Variants in INSYN2A observed in about 807,000 individuals in gnomAD.
INSYN2A encodes the protein family with sequence similarity 196 member A.
Under a neutral mutation model 39.4 loss-of-function variants are expected in INSYN2A, and 17 were observed. That is an observed-to-expected ratio of 0.43 (90% CI 0.30 to 0.65). The LOEUF (loss-of-function observed/expected upper bound fraction) is 0.65. Among genes scored for constraint, INSYN2A ranks in the 30% least tolerant of loss-of-function variants. The pLI, the probability that INSYN2A is intolerant of heterozygous loss-of-function variation, is 0.14. For missense variants in INSYN2A, 595 were observed against 631.2 expected, an observed-to-expected ratio of 0.94 and a Z score of 0.61; for synonymous variants, 255 against 265.7, an observed-to-expected ratio of 0.96 and a Z score of 0.39.
chr10:127,158,833 A>G (rs762174703), intron 4 of INSYN2A, among the ~76,000 whole-genome samples: 76 of 152,332 alleles, frequency 5.0e-4, no homozygotes, highest in Admixed American at 2.0e-3. Context: ...CAATGCATAT[A>G]GCTTGGAAAA....
chr10:127,167,386 A>G (rs1405656713), intron 4 of INSYN2A, among the ~76,000 whole-genome samples: 3 of 152,182 alleles, frequency 2.0e-5, no homozygotes, highest in East Asian at 1.9e-4. Flanking sequence ...ACAGAGACCA[A>G]CTCTAGCATT....
intron 5 of INSYN2A, among the ~76,000 whole-genome samples, chr10:127,149,586 A>T (rs945002270): frequency 2.0e-5 from 3 of 152,190 alleles, no homozygotes; most frequent in Non-Finnish European, 4.4e-5. Context: ...AACACGGTGG[A>T]TAGCTATGCT....
rs140516988 is a variant in INSYN2A, at chr10:127,175,793, C to T, written c.603G>A (p.Pro201=). 7.6e-5 allele frequency: 123 copies of T among 1,614,076 alleles called. No homozygotes were observed. In the East Asian group the frequency reaches 8.0e-4, roughly 11 times the overall value. The stretch of plus-strand genomic sequence containing the variant: ...GGAGCGCAGCTTCTCCATAGCTGAG[C>T]GGCTCCGGGCTTTTACAGGGCTCTG... ...NCTEPCKSPE[P]LSYGEAALQN... The change falls in exon 4 of 6, where the codon CCG becomes CCA. Residue 201 remains proline, a synonymous_variant. Transcript: ENST00000522781. This position sits in a 1 kb window ranked among gnomAD's most constrained non-coding sequence, Gnocchi z 6.3.
Position 127,175,800 on chromosome 10 carries a change from G to C in INSYN2A, c.596C>G (p.Pro199Arg), listed in dbSNP as rs531727184. Residue 199 changes from proline to arginine, a missense_variant, in exon 4 of 6, where the codon CCG becomes CGG. By Grantham distance (103) the Pro-to-Arg change is moderately radical. Coordinates refer to ENST00000522781, the MANE Select transcript of INSYN2A (RefSeq NM_001039762.3). This position sits in a 1 kb window ranked among gnomAD's most constrained non-coding sequence, Gnocchi z 6.3. ...GVNCTEPCKS[P>R]EPLSYGEAAL... The stretch of plus-strand genomic sequence containing the variant: ...AGCTTCTCCATAGCTGAGCGGCTCC[G>C]GGCTTTTACAGGGCTCTGTGCAGTT... The C allele has an allele frequency of 3.7e-6, 6 of 1,614,092 alleles. No homozygotes were observed. The highest frequency in any genetic ancestry group is 5.1e-6 in the Non-Finnish European group (6 of 1,180,026).
chr10:127,140,058 G>A (rs1316098222), intron 5 of INSYN2A, among the ~76,000 whole-genome samples: 1 of 152,102 alleles, frequency 6.6e-6, no homozygotes, highest in East Asian at 1.9e-4. Context: ...TGGTAATATT[G>A]AAGGTGTGTT....
At chr10:127,194,058 A>G (rs572821169) in intron 1 of INSYN2A, among the ~76,000 whole-genome samples, 2 of 152,390 alleles carry the variant, frequency 1.3e-5, no homozygotes, top group South Asian at 4.1e-4. Flanking sequence ...GTTTAAAGAC[A>G]TATGTAGCTT....
intron 2 of INSYN2A, among the ~76,000 whole-genome samples, chr10:127,185,399 G>A (rs1232735733): frequency 1.3e-5 from 2 of 152,112 alleles, no homozygotes; most frequent in African/African-American, 4.8e-5. Flanking sequence ...GGTGATGCGT[G>A]CCTGTAATCC....
At chr10:127,171,646 T>C (rs1481776192) in intron 4 of INSYN2A, among the ~76,000 whole-genome samples, 1 of 152,136 alleles carries the variant, frequency 6.6e-6, no homozygotes, top group Non-Finnish European at 1.5e-5. Context: ...GCTTCAAGAG[T>C]GTTCTCCAGC....
intron 5 of INSYN2A, among the ~76,000 whole-genome samples, chr10:127,153,207 A>T (rs2052682080): frequency 6.6e-6 from 1 of 152,270 alleles, no homozygotes; most frequent in Non-Finnish European, 1.5e-5. Flanking sequence ...AAAAAAGGAT[A>T]GCCATCCTTC....
At chr10:127,184,313 TC>T (rs112656641) in intron 2 of INSYN2A, among the ~76,000 whole-genome samples, 9 of 148,456 alleles carry the variant, frequency 6.1e-5, no homozygotes, top group East Asian at 2.0e-4. Flanking sequence ...CTCAATTCAT[TC>T]CCCCCCCAGT....
At chr10:127,190,256 C>G (rs937632306) in intron 2 of INSYN2A, among the ~76,000 whole-genome samples, 1 of 152,122 alleles carries the variant, frequency 6.6e-6, no homozygotes, top group Non-Finnish European at 1.5e-5. Flanking sequence ...GTGCTTTTTT[C>G]TTTTCTAAAC....
At chr10:127,181,274 A>G (rs1272997502) in intron 2 of INSYN2A, among the ~76,000 whole-genome samples, 1 of 152,236 alleles carries the variant, frequency 6.6e-6, no homozygotes, top group Non-Finnish European at 1.5e-5. Flanking sequence ...ACGTACTGTA[A>G]GGAAGGAAGT....
chr10:127,137,892 T>A lies in INSYN2A; in HGVS notation c.1385A>T (p.Gln462Leu), dbSNP rs951551494. ...SQETYSSTPKQKSKTESKKHG... is the reference protein window; with the variant it reads ...SQETYSSTPKLKSKTESKKHG... ...CTTTTTAGATTCAGTTTTGGATTTT[T>A]GCTTGGGAGTTGAGGAGTAAGTCTC... The change falls in exon 6 of 6, where the codon CAA (glutamine) becomes CTA (leucine). Residue 462 changes from glutamine (Q) to leucine (L), a missense_variant. Transcript: ENST00000522781. 6.2e-7 allele frequency: 1 copy of A among 1,614,072 alleles called. No homozygotes were observed. Among genetic ancestry groups the A allele is most frequent in the African/African-American group, 1.3e-5 (1 of 74,934 alleles).
intron 5 of INSYN2A, among the ~76,000 whole-genome samples, chr10:127,138,579 GC>G: frequency 6.6e-6 from 1 of 152,124 alleles, no homozygotes; most frequent in East Asian, 1.9e-4. Context: ...AGTGCCCAAC[GC>G]TGGGGAAAAT....
intron 2 of INSYN2A, among the ~76,000 whole-genome samples, chr10:127,183,186 G>A (rs1564880166): frequency 6.7e-6 from 1 of 150,116 alleles, no homozygotes; most frequent in African/African-American, 2.5e-5. Context: ...TATATCAAAG[G>A]AGTCTGTTTT....
intron 4 of INSYN2A, among the ~76,000 whole-genome samples, chr10:127,172,936 CTG>C (rs1205749529): frequency 2.0e-5 from 3 of 152,178 alleles, no homozygotes; most frequent in African/African-American, 7.2e-5. Context: ...ACTGCTGTGA[CTG>C]TGAAGTTTCA....
At chr10:127,141,754 T>A (rs2051279534) in intron 5 of INSYN2A, among the ~76,000 whole-genome samples, 1 of 152,068 alleles carries the variant, frequency 6.6e-6, no homozygotes, top group South Asian at 2.1e-4. Context: ...CCAAAAATTA[T>A]GTTGTGTCCT....
intron 5 of INSYN2A, among the ~76,000 whole-genome samples, chr10:127,143,649 C>T (rs557170718): frequency 4.3e-4 from 65 of 152,196 alleles, no homozygotes; most frequent in African/African-American, 1.4e-3. Context: ...CCAACTTGGC[C>T]GGTTTTATGT....
At position 127,175,580 on chromosome 10, in the gene INSYN2A, G is replaced by A. The variant is rs1323016107; in HGVS notation, c.816C>T (p.Asp272=). 6.2e-7 allele frequency: 1 copy of A among 1,612,258 alleles called. No homozygotes were observed. Among genetic ancestry groups the A allele is most frequent in the Non-Finnish European group, 8.5e-7 (1 of 1,179,932 alleles). ...GTGACCACTGGCTGGCGGCTGCAGA[G>A]TCTGACAAACCAGGCTCGGGGGCCC... ...SARAPEPGLS[D]SAAASQWSLC... The change falls in exon 4 of 6, where the codon GAC becomes GAT. Residue 272 remains aspartate, a synonymous_variant. Transcript: ENST00000522781. The surrounding 1 kb of genome is among the most constrained non-coding windows in gnomAD (Gnocchi z 6.3).
Sources: allele counts gnomAD v4.1 joint callset (sites outside exome capture counted in the v4.1 genomes callset), GRCh38; gene constraint gnomAD v4.1.1; non-coding constraint Gnocchi (gnomAD v3.1); transcripts MANE v1.5; gene names NCBI Gene and HGNC (gene_info 2026-07-23, HGNC 2026-07-21).